The following ANKRD36C variants were observed in gnomAD, a reference collection of about 807,000 sequenced individuals.
ANKRD36C encodes the protein ankyrin repeat domain 36C.
Under a neutral mutation model 276.4 loss-of-function variants are expected in ANKRD36C, and 61 were observed. The observed-to-expected ratio is 0.22, with a 90% CI of 0.18 to 0.27. The LOEUF is 0.27. Ranked by LOEUF, ANKRD36C falls within the 10% of genes least tolerant of loss-of-function variation. ANKRD36C has a pLI of 1.00. For missense variants in ANKRD36C, 1,447 were observed against 2,032.3 expected, an observed-to-expected ratio of 0.71 and a Z score of 5.54; for synonymous variants, 483 against 680.1, an observed-to-expected ratio of 0.71 and a Z score of 4.51.
At chr2:95,930,525 A>C (rs1308490822) in intron 24 of ANKRD36C, among the ~76,000 whole-genome samples, 4 of 151,586 alleles carry the variant, frequency 2.6e-5, no homozygotes, top group Non-Finnish European at 4.4e-5. Context: ...CTCTTCGTCC[A>C]CTTTTGCAAA....
rs553840297 is a variant in ANKRD36C at position 95,914,410 on chromosome 2, G to A, written c.2450-107C>T. The A allele has an allele frequency of 2.4e-4, 331 of 1,394,230 alleles. 5 individuals carry two copies. Among genetic ancestry groups the A allele is most frequent in the South Asian group, 1.4e-3 (111 of 80,142 alleles). 86.4% of individuals were successfully genotyped at this position (1,394,230 alleles called of 1,614,324 possible). On this transcript the variant is annotated intron_variant, in intron 38 of 66. Transcript: ENST00000456556. ...CCTCTGTCTTCCTGCCTGTATTAGCGTAGTCTTTGATGGCTTCTACTTTGT... is the reference window on the plus strand; with the variant it reads ...CCTCTGTCTTCCTGCCTGTATTAGCATAGTCTTTGATGGCTTCTACTTTGT...
intron 6 of ANKRD36C, among the ~76,000 whole-genome samples, chr2:95,964,112 TA>T (rs1388904901): frequency 6.9e-6 from 1 of 145,010 alleles, no homozygotes; most frequent in Non-Finnish European, 1.5e-5. Context: ...TAGTTTGATA[TA>T]ATATACCATA....
At position 95,960,346 on chromosome 2, in the gene ANKRD36C, C is replaced by A. The variant is rs71250566; in HGVS notation, c.1003+127G>T. On this transcript the variant is annotated intron_variant, in intron 10 of 66. Coordinates refer to ENST00000456556, the Ensembl canonical transcript of ANKRD36C. ...CCATCACTCAAGAACTTATTACAAA[C>A]GCAGAATCTCAGGCCCGCTGAATCA... 6.9e-5 allele frequency: 87 copies of A among 1,255,250 alleles called. No homozygotes were observed. The South Asian group carries it at 1.1e-3, about 16-fold the overall frequency. 77.8% of individuals were successfully genotyped at this position (1,255,250 alleles called of 1,614,324 possible).
At chr2:95,886,092 G>A (rs1212499988) in exon 52 of ANKRD36C, 16 of 1,610,452 alleles carry the variant, frequency 9.9e-6, no homozygotes, top group South Asian at 3.3e-5. Context: ...GGCTATATTC[G>A]AAACAGAATC....
At chr2:95,910,380 A>C in intron 42 of ANKRD36C, 1 of 1,540,598 alleles carries the variant, frequency 6.5e-7, no homozygotes, top group Non-Finnish European at 8.7e-7. Context: ...TACCTGTCCT[A>C]GATTTTTCTC....
chr2:95,979,509 G>A (rs7423942), intron 5 of ANKRD36C, among the ~76,000 whole-genome samples: 61,711 of 151,608 alleles, frequency 0.41, 13,427 homozygotes, highest in East Asian at 0.66. Flanking sequence ...AACTTGAGAT[G>A]GTGATGCAAG....
chr2:95,908,804 G>A (rs1459290281), intron 42 of ANKRD36C, 107 bp from the exon 47 acceptor site: 336 of 1,508,146 alleles, frequency 2.2e-4, no homozygotes, highest in Non-Finnish European at 2.9e-4. Context: ...CTGTATTAGC[G>A]TAGGCTTTGA....
At chr2:95,928,397 C>T (rs1677468373) in intron 26 of ANKRD36C, among the ~76,000 whole-genome samples, 1 of 151,512 alleles carries the variant, frequency 6.6e-6, no homozygotes. Context: ...TCTCTGATGC[C>T]TAATAGTAAC....
chr2:95,870,754 T>A (rs1446168547), intron 59 of ANKRD36C, among the ~76,000 whole-genome samples: 1 of 152,058 alleles, frequency 6.6e-6, no homozygotes, highest in African/African-American at 2.4e-5. Flanking sequence ...GGCGAAGAAG[T>A]TAAAAACTTT....
intron 1 of ANKRD36C, among the ~76,000 whole-genome samples, chr2:95,987,891 T>A (rs1679063889): frequency 6.6e-6 from 1 of 152,090 alleles, no homozygotes; most frequent in African/African-American, 2.4e-5. Context: ...CATTCTCAGA[T>A]GCTCATTTTC....
chr2:95,886,089 T>C (rs752352080), exon 52 of ANKRD36C: 19 of 1,610,978 alleles, frequency 1.2e-5, no homozygotes, highest in African/African-American at 2.7e-5. Flanking sequence ...TGTGGCTATA[T>C]TCGAAACAGA....
chr2:95,970,863 C>T (rs992797756), intron 6 of ANKRD36C, among the ~76,000 whole-genome samples: 72 of 152,112 alleles, frequency 4.7e-4, no homozygotes, highest in African/African-American at 1.6e-3. Flanking sequence ...TCTATCTGGA[C>T]CCATCTCACA....
At chr2:95,851,816 C>A in intron 65 of ANKRD36C, 29 bp from the exon 86 acceptor site, 1 of 1,515,542 alleles carries the variant, frequency 6.6e-7, no homozygotes, top group Non-Finnish European at 8.9e-7. Flanking sequence ...AATAATTACT[C>A]TCACACATAA....
At chr2:95,851,837 A>G in intron 65 of ANKRD36C, 50 bp from the exon 86 acceptor site, 1 of 1,494,930 alleles carries the variant, frequency 6.7e-7, no homozygotes, top group Non-Finnish European at 9.0e-7. Context: ...TTGTTTTTAA[A>G]TCATGTAAAT....
At chr2:95,976,187 TAAACTA>T (rs1406789538) in intron 6 of ANKRD36C, among the ~76,000 whole-genome samples, 1 of 152,344 alleles carries the variant, frequency 6.6e-6, no homozygotes, top group African/African-American at 2.4e-5. Context: ...GGTGGGACTG[TAAACTA>T]GTTCAACCAT....
chr2:95,889,427 C>T (rs1676280435), intron 48 of ANKRD36C, among the ~76,000 whole-genome samples: 1 of 151,466 alleles, frequency 6.6e-6, no homozygotes, highest in African/African-American at 2.4e-5. Context: ...TCACTTTTCC[C>T]TCTGTTTATC....
chr2:95,866,230 C>T (rs1180325266), intron 60 of ANKRD36C, among the ~76,000 whole-genome samples: 25 of 152,000 alleles, frequency 1.6e-4, no homozygotes, highest in Non-Finnish European at 3.1e-4. Context: ...TTGTGCTAGG[C>T]AAACATTTTT....
At chr2:95,918,657 G>C (rs561686154) in intron 34 of ANKRD36C, among the ~76,000 whole-genome samples, 23 of 151,596 alleles carry the variant, frequency 1.5e-4, no homozygotes, top group Non-Finnish European at 2.5e-4. Context: ...AAGTTTCTTG[G>C]ATCCACTAGT....
chr2:95,912,426 C>T lies in ANKRD36C; in HGVS notation c.2561G>A (p.Arg854Gln), dbSNP rs561401760. Residue 854 changes from arginine to glutamine, a missense_variant, in exon 41 of 67, where the codon CGG becomes CAG. This residue lies in a region of ANKRD36C where 565 missense variants were observed against 539.5 expected (regional missense o/e 1.05). Coordinates refer to ENST00000456556, the Ensembl canonical transcript of ANKRD36C. Reference sequence around the variant, plus strand: ...CATTACCTTCAAGGCTGGTTTTTTCCGAGAAGACACTGAAAAGCAAAAGGG... The same window carrying T: ...CATTACCTTCAAGGCTGGTTTTTTCTGAGAAGACACTGAAAAGCAAAAGGG... 240 of 1,604,608 alleles carry T rather than the reference C, an allele frequency of 1.5e-4. 3 individuals carry two copies. The highest frequency in any genetic ancestry group is 9.7e-4 in the South Asian group (88 of 90,904).
Sources: gnomAD v4.1 joint callset for allele counts (sites outside exome capture counted in the v4.1 genomes callset) on GRCh38, gnomAD v4.1.1 for gene constraint, gnomAD v4.1.1 regional missense constraint, MANE v1.5 for transcripts, NCBI Gene and HGNC (gene_info 2026-07-23, HGNC 2026-07-21) for gene names.